The following LSM14A variants were observed in gnomAD, a reference collection of about 807,000 sequenced individuals.
LSM14A encodes the protein protein LSM14 homolog A.
Under a neutral mutation model 52.4 loss-of-function variants are expected in LSM14A, and 14 were observed. The observed-to-expected ratio is 0.27, with a 90% CI of 0.18 to 0.42. The LOEUF is 0.42. Among genes scored for constraint, LSM14A ranks in the 10% least tolerant of loss-of-function variants. The pLI, the probability that LSM14A is intolerant of heterozygous loss-of-function variation, is 1.00. For synonymous variants in LSM14A, 185 were observed against 200.3 expected, an observed-to-expected ratio of 0.92 and a Z score of 0.64; for missense variants, 417 against 581.8, an observed-to-expected ratio of 0.72 and a Z score of 2.91.
At chr19:34,194,701 CTTT>C (rs2070716213) in intron 2 of LSM14A, 60 bp downstream of exon 2, 14 of 1,490,690 alleles carry the variant, frequency 9.4e-6, no homozygotes, top group Non-Finnish European at 1.3e-5. Flanking sequence ...TTAGCCTTGG[CTTT>C]TTTCTCTCTA....
chr19:34,225,211 C>T (rs2073278208), intron 9 of LSM14A, among the ~76,000 whole-genome samples: 1 of 152,176 alleles, frequency 6.6e-6, no homozygotes, highest in African/African-American at 2.4e-5. Context: ...CCACTCCAGC[C>T]TTCAGTGAGA....
chr19:34,200,827 G>A (rs1006268868), intron 3 of LSM14A, among the ~76,000 whole-genome samples: 2 of 152,118 alleles, frequency 1.3e-5, no homozygotes, highest in African/African-American at 4.8e-5. Flanking sequence ...CTTTCCTGGG[G>A]ATTCAAGTAA....
rs58675092 is a variant in LSM14A at position 34,186,331 on chromosome 19, C to G, written c.122-8147C>G. ...GCCTAGATATTTGATCAAATATTTT[C>G]GATGTTTCTGTTTAAGTATTTTTTG... On this transcript the variant is annotated intron_variant, in intron 1 of 9. Transcript: ENST00000544216. Among the ~76,000 whole-genome samples the G allele has an allele frequency of 4.2e-3, 632 of 152,238 alleles. 6 individuals carry two copies. The highest frequency in any genetic ancestry group is 0.014 in the African/African-American group (598 of 41,504).
chr19:34,212,730 A>C (rs919644702), intron 4 of LSM14A, among the ~76,000 whole-genome samples: 2 of 152,222 alleles, frequency 1.3e-5, no homozygotes, highest in Non-Finnish European at 2.9e-5. Context: ...GTATCACAGT[A>C]TCACCTGTAT....
At chr19:34,206,634 C>A (rs2071721853) in intron 3 of LSM14A, among the ~76,000 whole-genome samples, 1 of 152,066 alleles carries the variant, frequency 6.6e-6, no homozygotes, top group Admixed American at 6.6e-5. Flanking sequence ...GAGATCGCGC[C>A]ACTGCACTCC....
At chr19:34,208,865 A>T in intron 3 of LSM14A, 64 bp from the exon 4 acceptor site, 1 of 1,140,250 alleles carries the variant, frequency 8.8e-7, no homozygotes, top group Non-Finnish European at 1.2e-6. Flanking sequence ...GCATTACTTT[A>T]TATCATTGAA....
At chr19:34,204,548 C>A (rs1027999776) in intron 3 of LSM14A, among the ~76,000 whole-genome samples, 233 of 123,216 alleles carry the variant, frequency 1.9e-3, no homozygotes, top group Admixed American at 2.2e-3. Context: ...CTTGTCTCTG[C>A]AAAAAAAAAA....
rs759589511 is a variant in LSM14A, at chr19:34,215,243, A to G, written c.658A>G (p.Thr220Ala). ...TGTTGGGAGAAGGAGTCCTGTATCA[A>G]CCAGGCCTTTGCCATCTGCCAGCCA... ...AAVGRRSPVS[T>A]RPLPSASQKA... Residue 220 changes from threonine (T) to alanine (A), a missense_variant, in exon 5 of 10, where the codon ACC becomes GCC. Thr to Ala is a moderately conservative substitution (Grantham distance 58). Transcript: ENST00000544216. 4 of 1,614,084 alleles carry G rather than the reference A, an allele frequency of 2.5e-6. No homozygotes were observed. The highest frequency in any genetic ancestry group is 2.7e-5 in the African/African-American group (2 of 74,944).
At position 34,219,377 on chromosome 19, in the gene LSM14A, C is replaced by A. The variant is rs1256802228; in HGVS notation, c.782-14C>A. ...ATATTGAATGTCCTTTGTATATATT[C>A]TTTATTATCATAGCTCCAGGTGCTC... On this transcript the variant is annotated splice_polypyrimidine_tract_variant and intron_variant, in intron 6 of 9. Transcript: ENST00000544216. 1.3e-6 allele frequency: 2 copies of A among 1,591,090 alleles called. No homozygotes were observed. The highest frequency in any genetic ancestry group is 2.2e-5 in the East Asian group (1 of 44,768).
Position 34,219,662 on chromosome 19 carries a change from A to G in LSM14A, c.965-44A>G, listed in dbSNP as rs199952711. The G allele has an allele frequency of 7.6e-6, 12 of 1,580,002 alleles. No individual in the cohort carries two copies. The East Asian group carries it at 2.7e-4, about 35-fold the overall frequency. Reference sequence around the variant, plus strand: ...CAGATTAGGTGTTTTTATGTAATTCAGATTAGCTGTCTTGACTTTTCTGAT... The same window carrying G: ...CAGATTAGGTGTTTTTATGTAATTCGGATTAGCTGTCTTGACTTTTCTGAT... On this transcript the variant is annotated intron_variant, in intron 7 of 9. Coordinates refer to ENST00000544216, the MANE Select transcript of LSM14A (RefSeq NM_015578.4).
intron 1 of LSM14A, among the ~76,000 whole-genome samples, chr19:34,177,343 C>T (rs1206808324): frequency 6.6e-6 from 1 of 152,082 alleles, no homozygotes; most frequent in Non-Finnish European, 1.5e-5. Flanking sequence ...GTTTATAATG[C>T]ATCTGAAATT....
intron 3 of LSM14A, among the ~76,000 whole-genome samples, chr19:34,202,811 C>T (rs536124193): frequency 9.2e-5 from 14 of 152,192 alleles, no homozygotes; most frequent in East Asian, 5.8e-4. Flanking sequence ...CCCGCCACCA[C>T]GCCCGGGTAA....
At chr19:34,189,437 G>A (rs1358858812) in intron 1 of LSM14A, among the ~76,000 whole-genome samples, 1 of 152,106 alleles carries the variant, frequency 6.6e-6, no homozygotes, top group Non-Finnish European at 1.5e-5. Context: ...TAGTACCTGG[G>A]ACAGGTGGTG....
chr19:34,192,316 G>GTTTTTT lies in LSM14A; in HGVS notation c.122-2160_122-2159insTTTTTT, dbSNP rs1306000214. On this transcript the variant is annotated intron_variant, in intron 1 of 9. Coordinates refer to ENST00000544216, the MANE Select transcript of LSM14A (RefSeq NM_015578.4). ...TTTACACTGAAATAACATTCTTTTT[G>GTTTTTT]TTGTTTTTTTTTTTTTTTTTTTTTT... Among the ~76,000 whole-genome samples, 150 of 65,700 alleles carry GTTTTTT rather than the reference G, an allele frequency of 2.3e-3. 5 individuals are homozygous for GTTTTTT. The highest frequency in any genetic ancestry group is 8.5e-3 in the Middle Eastern group (1 of 118). The allele number at this position is 65,700 out of a possible 152,430, so 43.1% of individuals were successfully genotyped here.
chr19:34,200,986 G>A (rs572107762), intron 3 of LSM14A, among the ~76,000 whole-genome samples: 4 of 152,242 alleles, frequency 2.6e-5, no homozygotes, highest in Non-Finnish European at 5.9e-5. Context: ...GATCAAGCAC[G>A]TAGTATCTAT....
intron 1 of LSM14A, among the ~76,000 whole-genome samples, chr19:34,192,323 T>TTTTTG (rs2070468645): frequency 1.0e-5 from 1 of 99,186 alleles, no homozygotes; most frequent in African/African-American, 4.2e-5. Context: ...TTTGTTGTTT[T>TTTTTG]TTTTTTTTTT....
chr19:34,182,294 T>C (rs775790228), intron 1 of LSM14A, among the ~76,000 whole-genome samples: 13 of 152,220 alleles, frequency 8.5e-5, no homozygotes, highest in Non-Finnish European at 8.8e-5. Context: ...GTTGGTTGGC[T>C]ATGTATTTCC....
chr19:34,181,033 T>TA (rs771225164), intron 1 of LSM14A, among the ~76,000 whole-genome samples: 12 of 152,198 alleles, frequency 7.9e-5, no homozygotes, highest in Non-Finnish European at 1.8e-4. Flanking sequence ...ATAATTTTGA[T>TA]AAACTTACCC....
chr19:34,215,446 T>C, intron 5 of LSM14A, 146 bp downstream of exon 5: 1 of 1,125,426 alleles, frequency 8.9e-7, no homozygotes. Flanking sequence ...CAAATTTGAC[T>C]CAAAGTGGTG....
Sources: gnomAD v4.1 joint callset for allele counts (sites outside exome capture counted in the v4.1 genomes callset) on GRCh38, gnomAD v4.1.1 for gene constraint, MANE v1.5 for transcripts, NCBI Gene and HGNC (gene_info 2026-07-23, HGNC 2026-07-21) for gene names.